The following BRI3 variants were observed in gnomAD, a reference collection of about 807,000 sequenced individuals.
BRI3 encodes membrane protein BRI3.
A neutral mutation model predicts 12.8 loss-of-function variants in BRI3; 6 were observed. The observed-to-expected ratio is 0.47, with a 90% CI of 0.26 to 0.93. The LOEUF is 0.93. Among genes scored for constraint, BRI3 ranks in the 40% least tolerant of loss-of-function variants. The probability of loss-of-function intolerance (pLI) is 0.15; values close to 1 mark genes in which losing one functional copy is unlikely to be tolerated. For missense variants in BRI3, 134 were observed against 171.1 expected, an observed-to-expected ratio of 0.78 and a Z score of 1.21; for synonymous variants, 91 against 76.1, an observed-to-expected ratio of 1.20 and a Z score of -1.02.
intron 1 of BRI3, chr7:98,307,408 T>G: frequency 8.7e-6 from 11 of 1,259,416 alleles, no homozygotes; most frequent in Non-Finnish European, 1.1e-5. Context: ...ACTGGCCAAA[T>G]GCTAAATTTT....
At chr7:98,320,191 A>G in the BRI3 span, 1 of 1,589,056 alleles carries the variant, frequency 6.3e-7, no homozygotes, top group South Asian at 1.1e-5. Flanking sequence ...TAAGTTCTAA[A>G]ACCTGAAATG....
At chr7:98,298,863 G>C (rs960643257) in intron 1 of BRI3, among the ~76,000 whole-genome samples, 1 of 152,016 alleles carries the variant, frequency 6.6e-6, no homozygotes, top group Non-Finnish European at 1.5e-5. Context: ...TTGTTTTTGA[G>C]ACAGGTCTTG....
downstream of BRI3, chr7:98,293,011 T>A: frequency 9.3e-7 from 1 of 1,070,022 alleles, no homozygotes. Context: ...ACATTTTAAG[T>A]TAAATTACAT....
In BRI3 at chr7:98,281,712, C is replaced by T. The variant is rs976866478; in HGVS notation, c.-84C>T. The T allele has an allele frequency of 4.9e-5, 35 of 715,090 alleles. No homozygotes were observed. Among genetic ancestry groups the T allele is most frequent in the African/African-American group, 1.2e-4 (6 of 51,570 alleles). 44.3% of individuals were successfully genotyped at this position (715,090 alleles called of 1,614,324 possible). On this transcript the variant is annotated 5_prime_UTR_variant, in exon 1 of 3. Transcript: ENST00000297290. ...GAGGGGCCCGAGCCACCCGGTCCGC[C>T]GCGTCCCCGCCGCCGCCGCCGCGTC...
chr7:98,283,678 G>T (rs1171338443), intron 2 of BRI3, among the ~76,000 whole-genome samples: 1 of 152,214 alleles, frequency 6.6e-6, no homozygotes, highest in African/African-American at 2.4e-5. Context: ...GGGTCTGCCT[G>T]CGTGTCATTG....
intron 1 of BRI3, among the ~76,000 whole-genome samples, chr7:98,298,006 G>A (rs1800261016): frequency 6.6e-6 from 1 of 152,154 alleles, no homozygotes; most frequent in Non-Finnish European, 1.5e-5. Context: ...CAAGGCAGGA[G>A]GACTGCCTGA....
chr7:98,294,135 A>G, downstream of BRI3: 1 of 1,612,542 alleles, frequency 6.2e-7, no homozygotes, highest in Admixed American at 1.7e-5. Context: ...AAAGAAGTTT[A>G]TGGAGGGCTT....
intron 1 of BRI3, among the ~76,000 whole-genome samples, chr7:98,299,561 C>G (rs182746295): frequency 9.9e-5 from 15 of 151,292 alleles, no homozygotes; most frequent in Admixed American, 8.6e-4. Flanking sequence ...CTTTCTCTGT[C>G]GCTCAGGCTG....
downstream of BRI3, among the ~76,000 whole-genome samples, chr7:98,313,258 G>GCCACAAAA (rs1169101766): frequency 6.6e-6 from 1 of 152,004 alleles, no homozygotes; most frequent in Admixed American, 6.6e-5. Flanking sequence ...ATTAAGGGAA[G>GCCACAAAA]CCACAAAACC....
At chr7:98,304,507 C>T, upstream of BRI3, 1 of 860,774 alleles carries the variant, frequency 1.2e-6, no homozygotes, top group Non-Finnish European at 1.8e-6. Flanking sequence ...TGATCTCACA[C>T]ACACAGACAC....
At chr7:98,290,648 GC>G in intron 2 of BRI3, among the ~76,000 whole-genome samples, 1 of 152,100 alleles carries the variant, frequency 6.6e-6, no homozygotes. Flanking sequence ...ACAGGCATGT[GC>G]CACCACGCCT....
At chr7:98,299,252 C>T (rs1357613541) in intron 1 of BRI3, among the ~76,000 whole-genome samples, 2 of 152,230 alleles carry the variant, frequency 1.3e-5, no homozygotes, top group African/African-American at 4.8e-5. Flanking sequence ...CTCTTGACAT[C>T]AGGTGATCCA....
intron 2 of BRI3, 126 bp downstream of exon 2, chr7:98,282,579 T>C (rs1584385679): frequency 1.3e-6 from 1 of 754,006 alleles, no homozygotes; most frequent in Non-Finnish European, 2.2e-6. Context: ...ACCAGAGCCC[T>C]TTATGGGAGG....
exon 2 of BRI3, chr7:98,307,572 C>T: frequency 6.7e-7 from 1 of 1,498,680 alleles, no homozygotes; most frequent in Non-Finnish European, 8.9e-7. Flanking sequence ...AGAACTAAAC[C>T]ATAAACTTAA....
chr7:98,289,570 C>G (rs190270476), intron 2 of BRI3, among the ~76,000 whole-genome samples: 27 of 152,364 alleles, frequency 1.8e-4, no homozygotes, highest in African/African-American at 4.8e-4. Flanking sequence ...CCCCTTCCCC[C>G]CTAAGCACCA....
At chr7:98,284,789 A>G (rs1799656634) in intron 2 of BRI3, among the ~76,000 whole-genome samples, 1 of 152,158 alleles carries the variant, frequency 6.6e-6, no homozygotes, top group Non-Finnish European at 1.5e-5. Flanking sequence ...TTTATGAGGA[A>G]GCATTTCCGC....
chr7:98,311,801 G>A (rs144455691), downstream of BRI3, among the ~76,000 whole-genome samples: 79 of 152,170 alleles, frequency 5.2e-4, 1 homozygote, highest in African/African-American at 1.8e-3. Flanking sequence ...AGCTACTGAG[G>A]AGGCTGAGGC....
chr7:98,292,876 G>A, downstream of BRI3: 1 of 1,444,110 alleles, frequency 6.9e-7, no homozygotes, highest in Non-Finnish European at 9.1e-7. Context: ...AGCTCTCGGA[G>A]GAGATTTCGT....
chr7:98,284,288 A>AC (rs1238282480), intron 2 of BRI3, among the ~76,000 whole-genome samples: 1 of 152,210 alleles, frequency 6.6e-6, no homozygotes, highest in African/African-American at 2.4e-5. Context: ...CTCCCAGCAC[A>AC]CACGTCCCTG....
Sources: allele counts gnomAD v4.1 joint callset (sites outside exome capture counted in the v4.1 genomes callset), GRCh38; gene constraint gnomAD v4.1.1; transcripts MANE v1.5; gene names NCBI Gene and HGNC (gene_info 2026-07-23, HGNC 2026-07-21).